DNM3: variants seen among roughly 807,000 people sequenced by gnomAD.
DNM3 encodes dynamin-3.
A neutral mutation model predicts 101.6 loss-of-function variants in DNM3; 47 were observed. That is an observed-to-expected ratio of 0.46 (90% confidence interval 0.37 to 0.59). The LOEUF (loss-of-function observed/expected upper bound fraction) is 0.59, where lower values mean the gene tolerates loss of function less well. DNM3 is among the 20% of genes least tolerant of loss of function. The pLI is 0.00. For missense variants in DNM3, 849 were observed against 1,085.7 expected (o/e 0.78, Z 3.06); for synonymous variants, 385 against 387.9 (o/e 0.99, Z 0.09).
chr1:172,280,067 G>A (rs1271279434), intron 15 of DNM3, among the ~76,000 whole-genome samples: 5 of 152,092 alleles, frequency 3.3e-5, no homozygotes, highest in East Asian at 1.9e-4. Context: ...CCCTGCTCCA[G>A]TGATACTGGC....
intron 15 of DNM3, among the ~76,000 whole-genome samples, chr1:172,278,085 C>A (rs1159211391): frequency 6.6e-6 from 1 of 152,080 alleles, no homozygotes; most frequent in Admixed American, 6.6e-5. Flanking sequence ...TTGAAGTGAA[C>A]ACTTGGTTTG....
chr1:172,279,243 G>C (rs986552631), intron 15 of DNM3, among the ~76,000 whole-genome samples: 4 of 152,064 alleles, frequency 2.6e-5, no homozygotes, highest in African/African-American at 9.7e-5. Context: ...ACAAACTTTA[G>C]AAAACTATTT....
chr1:171,963,066 C>T (rs12065680), intron 2 of DNM3, among the ~76,000 whole-genome samples: 2,367 of 152,148 alleles, frequency 0.016, 87 homozygotes, highest in African/African-American at 0.054. Flanking sequence ...AATTTGTGTC[C>T]CTACAGAAAC....
At chr1:171,885,659 T>G (rs183699900) in intron 1 of DNM3, among the ~76,000 whole-genome samples, 156 of 152,278 alleles carry the variant, frequency 1.0e-3, no homozygotes, top group Admixed American at 1.8e-3. Flanking sequence ...ACAGGGGATA[T>G]GCCCACCTAG....
intron 11 of DNM3, among the ~76,000 whole-genome samples, chr1:172,078,488 A>T (rs1248875013): frequency 1.4e-5 from 2 of 147,780 alleles, no homozygotes; most frequent in Non-Finnish European, 3.0e-5. Context: ...ATCTTCCTCC[A>T]TCCCTTTATT....
intron 14 of DNM3, among the ~76,000 whole-genome samples, chr1:172,160,987 T>C (rs1246884753): frequency 2.6e-5 from 4 of 151,910 alleles, no homozygotes; most frequent in Non-Finnish European, 4.4e-5. Flanking sequence ...TGTTGCATGA[T>C]AGTGACTTAA....
chr1:172,191,428 A>G (rs2059719013), intron 14 of DNM3, among the ~76,000 whole-genome samples: 1 of 152,100 alleles, frequency 6.6e-6, no homozygotes, highest in Admixed American at 6.6e-5. Flanking sequence ...GCCTTGTAGT[A>G]TAGTTTGAAG....
intron 13 of DNM3, among the ~76,000 whole-genome samples, chr1:172,099,290 A>G (rs2054470146): frequency 6.6e-6 from 1 of 152,212 alleles, no homozygotes; most frequent in African/African-American, 2.4e-5. Context: ...AAGGTCATCA[A>G]CATGCAGGGA....
At chr1:172,109,125 C>T (rs1209098340) in intron 13 of DNM3, among the ~76,000 whole-genome samples, 4 of 152,002 alleles carry the variant, frequency 2.6e-5, no homozygotes, top group African/African-American at 2.4e-5. Context: ...TAAGAAAGTA[C>T]GATTATAACA....
chr1:171,990,894 G>A (rs2045589383), intron 4 of DNM3, among the ~76,000 whole-genome samples: 1 of 152,132 alleles, frequency 6.6e-6, no homozygotes, highest in African/African-American at 2.4e-5. Flanking sequence ...AGCGTCAGTG[G>A]CTTGGAAGAG....
intron 1 of DNM3, 53 bp downstream of exon 1, chr1:171,841,870 G>A (rs894888608): frequency 9.6e-6 from 15 of 1,563,148 alleles, no homozygotes; most frequent in African/African-American, 9.5e-5. Context: ...ACCCCGCTGC[G>A]GGCCGTTGGA....
intron 15 of DNM3, among the ~76,000 whole-genome samples, chr1:172,262,938 C>G (rs1015056995): frequency 3.3e-5 from 5 of 152,134 alleles, no homozygotes; most frequent in African/African-American, 1.2e-4. Flanking sequence ...GAAACTGATG[C>G]CATCCAGTGG....
chr1:172,200,432 G>A (rs569694670), intron 14 of DNM3, among the ~76,000 whole-genome samples: 1 of 152,224 alleles, frequency 6.6e-6, no homozygotes, highest in Non-Finnish European at 1.5e-5. Flanking sequence ...TGTATTTCCT[G>A]AATTTGACTG....
chr1:172,217,791 A>G (rs2060759468), intron 14 of DNM3, among the ~76,000 whole-genome samples: 1 of 152,126 alleles, frequency 6.6e-6, no homozygotes. Context: ...TTGTAAAGAA[A>G]TGTATGGGAT....
Position 172,412,491 on chromosome 1 carries a change from AG to A in DNM3, c.*4651del. 1.0e-6 allele frequency: 1 copy of A among 985,818 alleles called. No homozygotes were observed. Among genetic ancestry groups the A allele is most frequent in the Non-Finnish European group, 1.2e-6 (1 of 829,902 alleles). The allele number at this position is 985,818 out of a possible 1,614,324, so 61.1% of individuals were successfully genotyped here. On this transcript the variant is annotated 3_prime_UTR_variant, in exon 21 of 21. Coordinates refer to ENST00000627582, the MANE Select transcript of DNM3 (RefSeq NM_015569.5). Reference sequence around the variant, plus strand: ...TTTGTTTGAAGAAGGAATATACAGAAGTAAAATCTTGTCTTCTCTGCTGATT... The same window carrying A: ...TTTGTTTGAAGAAGGAATATACAGAATAAAATCTTGTCTTCTCTGCTGATT...
chr1:172,366,924 T>C (rs1475552446), intron 17 of DNM3, among the ~76,000 whole-genome samples: 3 of 151,862 alleles, frequency 2.0e-5, no homozygotes, highest in African/African-American at 7.2e-5. Flanking sequence ...AGGAAAGGCA[T>C]AGAAAACCTA....
At chr1:171,931,450 T>C (rs2040999205) in intron 2 of DNM3, among the ~76,000 whole-genome samples, 2 of 152,194 alleles carry the variant, frequency 1.3e-5, no homozygotes, top group African/African-American at 4.8e-5. Flanking sequence ...GTTTCTGTAC[T>C]TCTGGTTATT....
At chr1:172,350,970 A>G (rs1481812720) in intron 17 of DNM3, among the ~76,000 whole-genome samples, 1 of 152,172 alleles carries the variant, frequency 6.6e-6, no homozygotes, top group Non-Finnish European at 1.5e-5. Context: ...TATGGCTGAA[A>G]TTCATTTGCA....
chr1:172,023,572 G>A (rs1295435276), intron 4 of DNM3, among the ~76,000 whole-genome samples: 1 of 151,870 alleles, frequency 6.6e-6, no homozygotes, highest in Non-Finnish European at 1.5e-5. Flanking sequence ...AACTTCTCTG[G>A]AAACTTTTTA....
Sources: gnomAD v4.1 joint callset for allele counts (sites outside exome capture counted in the v4.1 genomes callset) on GRCh38, gnomAD v4.1.1 for gene constraint, MANE v1.5 for transcripts, NCBI Gene and HGNC (gene_info 2026-07-23, HGNC 2026-07-21) for gene names.